TRPM8: variants seen among roughly 807,000 people sequenced by gnomAD.
TRPM8 encodes the protein TRPM8 cationic channel.
In TRPM8, 110 loss-of-function variants were observed where a neutral mutation model predicts 133.7. That is an observed-to-expected ratio of 0.82 (90% CI 0.70 to 0.96). The LOEUF (loss-of-function observed/expected upper bound fraction) is 0.96. Among genes scored for constraint, TRPM8 ranks in the 40% least tolerant of loss-of-function variants. TRPM8 has a pLI of 0.00. For missense variants in TRPM8, 1,291 were observed against 1,379.5 expected, an observed-to-expected ratio of 0.94 and a Z score of 1.02; for synonymous variants, 535 against 532.3, an observed-to-expected ratio of 1.01 and a Z score of -0.07.
intron 6 of TRPM8, 35 bp downstream of exon 6, chr2:233,942,783 C>T (rs2125104065): frequency 1.9e-6 from 3 of 1,612,408 alleles, no homozygotes. Context: ...TGCTAGGTCA[C>T]ATGGAAGAAA....
At chr2:233,920,797 A>G (rs1691390491) in intron 1 of TRPM8, among the ~76,000 whole-genome samples, 1 of 152,068 alleles carries the variant, frequency 6.6e-6, no homozygotes, top group African/African-American at 2.4e-5. Flanking sequence ...ACTATCATAC[A>G]AGATTAATAC....
rs1693038055 is a variant in TRPM8, at chr2:234,019,408, G to C, written c.*2152G>C. The C allele has an allele frequency of 6.6e-6, 1 of 152,148 alleles. No individual in the cohort carries two copies. The highest frequency in any genetic ancestry group is 2.4e-5 in the African/African-American group (1 of 41,430). 9.4% of individuals were successfully genotyped at this position (152,148 alleles called of 1,614,324 possible). A position where few individuals can be genotyped will look rare whatever the true frequency, so the allele number is the denominator to read the frequency against. On this transcript the variant is annotated 3_prime_UTR_variant, in exon 26 of 26. Coordinates refer to ENST00000324695, the MANE Select transcript of TRPM8 (RefSeq NM_024080.5). The stretch of plus-strand genomic sequence containing the variant: ...GTATTGAACATACTTCTAATCAAAG[G>C]TGCTATGTCCTTGTGTATGGTACTA...
rs759772183 is a variant in TRPM8 at position 233,983,217 on chromosome 2, C to A, written c.2754C>A (p.Asp918Glu). The A allele has an allele frequency of 1.2e-6, 2 of 1,614,098 alleles. No homozygotes were observed. The highest frequency in any genetic ancestry group is 1.7e-6 in the Non-Finnish European group (2 of 1,180,008). The change falls in exon 20 of 26, where the codon GAC (aspartate) becomes GAA (glutamate). Residue 918 changes from aspartate (D) to glutamate (E), a missense_variant. Transcript: ENST00000324695. ...YLAMFGQVPSDVDGTTYDFAH... is the reference protein window; with the variant it reads ...YLAMFGQVPSEVDGTTYDFAH... Reference sequence around the variant, plus strand: ...CCATGTTCGGCCAGGTGCCCAGTGACGTGGATGGTAAGCCTGACTTGGCTC... The same window carrying A: ...CCATGTTCGGCCAGGTGCCCAGTGAAGTGGATGGTAAGCCTGACTTGGCTC...
chr2:233,920,464 C>A (rs991378199), intron 1 of TRPM8, among the ~76,000 whole-genome samples: 7 of 152,126 alleles, frequency 4.6e-5, no homozygotes, highest in African/African-American at 1.7e-4. Flanking sequence ...CTGGACAAAT[C>A]CTTAGCTATC....
In TRPM8 at chr2:233,966,601, T is replaced by C; in HGVS notation, c.1880-9T>C. 1 of 1,614,034 alleles carries C rather than the reference T, an allele frequency of 6.2e-7. No individual in the cohort carries two copies. The highest frequency in any genetic ancestry group is 8.5e-7 in the Non-Finnish European group (1 of 1,179,996). On this transcript the variant is annotated splice_polypyrimidine_tract_variant and intron_variant, in intron 14 of 25. Transcript: ENST00000324695. The stretch of plus-strand genomic sequence containing the variant: ...ACACCAGCTTCTCTCTGTGCTGATG[T>C]CGCTGTAGAGCTGTTCACTGAGTGT...
chr2:233,945,944 T>C lies in TRPM8; in HGVS notation c.788T>C (p.Val263Ala). The change falls in exon 7 of 26, where the codon GTG becomes GCG. Residue 263 changes from valine (V) to alanine (A), a missense_variant. Coordinates refer to ENST00000324695, the MANE Select transcript of TRPM8 (RefSeq NM_024080.5). ...AACAACCACACACATTTGCTGCTCGTGGACAATGGCTGTCATGGACATCCC... is the reference window on the plus strand; with the variant it reads ...AACAACCACACACATTTGCTGCTCGCGGACAATGGCTGTCATGGACATCCC... ...LDNNHTHLLL[V>A]DNGCHGHPTV... The C allele has an allele frequency of 6.2e-7, 1 of 1,614,194 alleles. No homozygotes were observed. The highest frequency in any genetic ancestry group is 1.3e-5 in the African/African-American group (1 of 75,054).
chr2:233,982,327 A>G (rs1308434007), intron 19 of TRPM8, among the ~76,000 whole-genome samples: 1 of 152,240 alleles, frequency 6.6e-6, no homozygotes, highest in Non-Finnish European at 1.5e-5. Flanking sequence ...AACCTGAATC[A>G]TGTAACTGTG....
At chr2:234,001,422 C>T (rs1692560783) in intron 22 of TRPM8, among the ~76,000 whole-genome samples, 1 of 151,826 alleles carries the variant, frequency 6.6e-6, no homozygotes, top group Non-Finnish European at 1.5e-5. Flanking sequence ...GAAAAAAGTG[C>T]TCATAAAATG....
At chr2:233,987,679 C>T (rs1451445994) in intron 21 of TRPM8, among the ~76,000 whole-genome samples, 1 of 152,244 alleles carries the variant, frequency 6.6e-6, no homozygotes, top group Non-Finnish European at 1.5e-5. Flanking sequence ...TGTAGTTTGG[C>T]TGTGTCCCCA....
chr2:233,947,324 A>G (rs1691068259), intron 8 of TRPM8, 169 bp downstream of exon 8: 1 of 1,544,004 alleles, frequency 6.5e-7, no homozygotes, highest in Admixed American at 2.0e-5. Context: ...GTTATTCCTC[A>G]GTCAAGAAGA....
At chr2:233,954,608 C>T (rs531785612) in intron 10 of TRPM8, among the ~76,000 whole-genome samples, 4 of 152,062 alleles carry the variant, frequency 2.6e-5, no homozygotes, top group African/African-American at 4.8e-5. Context: ...GAGCCAGGCA[C>T]GTTGGAAGTG....
chr2:233,933,039 C>A (rs1300285155), intron 3 of TRPM8, among the ~76,000 whole-genome samples: 1 of 151,840 alleles, frequency 6.6e-6, no homozygotes, highest in East Asian at 1.9e-4. Context: ...TGGTGCCGCA[C>A]TTTTGCCCCT....
At chr2:233,982,913 C>G in intron 19 of TRPM8, 140 bp from the exon 20 acceptor site, 1 of 842,930 alleles carries the variant, frequency 1.2e-6, no homozygotes. Flanking sequence ...GTCAATTAGT[C>G]AGTGAACTCT....
intron 23 of TRPM8, among the ~76,000 whole-genome samples, 177 bp from the exon 24 acceptor site, chr2:234,007,893 G>T (rs1692733062): frequency 6.6e-6 from 1 of 152,222 alleles, no homozygotes. Flanking sequence ...ATTCTGCTTT[G>T]TTAGGGTACT....
At chr2:234,002,300 C>G (rs150755946) in intron 22 of TRPM8, among the ~76,000 whole-genome samples, 2 of 151,942 alleles carry the variant, frequency 1.3e-5, no homozygotes, top group Non-Finnish European at 2.9e-5. Flanking sequence ...TTGCAGGAGA[C>G]GAGAGTAAGG....
intron 3 of TRPM8, among the ~76,000 whole-genome samples, chr2:233,933,348 T>G (rs1041218193): frequency 1.3e-5 from 2 of 152,096 alleles, no homozygotes; most frequent in Non-Finnish European, 2.9e-5. Flanking sequence ...TTAATTTATT[T>G]AATTTCACTT....
chr2:233,951,438 T>C (rs1448379582), intron 9 of TRPM8, among the ~76,000 whole-genome samples: 1 of 152,214 alleles, frequency 6.6e-6, no homozygotes, highest in East Asian at 1.9e-4. Flanking sequence ...TCACCAAAGA[T>C]GGCCCCAGGT....
intron 11 of TRPM8, among the ~76,000 whole-genome samples, chr2:233,958,807 G>A (rs1691357706): frequency 6.6e-6 from 1 of 152,118 alleles, no homozygotes. Flanking sequence ...CATTAGGCAG[G>A]AACAAAACTA....
chr2:233,939,252 G>A, intron 5 of TRPM8, 77 bp downstream of exon 5: 2 of 1,511,054 alleles, frequency 1.3e-6, no homozygotes, highest in Non-Finnish European at 1.8e-6. Context: ...GGCAGTTCCC[G>A]TGTGCAATTC....
Sources: allele counts gnomAD v4.1 joint callset (sites outside exome capture counted in the v4.1 genomes callset), GRCh38; gene constraint gnomAD v4.1.1; transcripts MANE v1.5; gene names NCBI Gene and HGNC (gene_info 2026-07-23, HGNC 2026-07-21).